Variants in METTL15 observed in about 807,000 individuals in gnomAD.
The protein encoded by METTL15 is 12S rRNA N(4)-cytidine methyltransferase METTL15.
Under a neutral mutation model 38.3 loss-of-function variants are expected in METTL15, and 34 were observed. The observed-to-expected ratio is 0.89, with a 90% CI of 0.68 to 1.18. The LOEUF (loss-of-function observed/expected upper bound fraction) is 1.18. Among genes scored for constraint, METTL15 ranks in the 50% most tolerant of loss-of-function variants. The pLI is 0.00. For missense variants in METTL15, 438 were observed against 498.4 expected (o/e 0.88, Z 1.15); for synonymous variants, 162 against 170.9 (o/e 0.95, Z 0.41).
At chr11:28,354,893 G>A (rs1034669426) in intron 4 of METTL15, among the ~76,000 whole-genome samples, 1 of 152,204 alleles carries the variant, frequency 6.6e-6, no homozygotes, top group Non-Finnish European at 1.5e-5. Context: ...TAGGAGACAT[G>A]GAACTAGAAA....
intron 5 of METTL15, among the ~76,000 whole-genome samples, chr11:28,415,615 C>G (rs772365371): frequency 2.0e-5 from 3 of 152,182 alleles, no homozygotes; most frequent in African/African-American, 7.2e-5. Context: ...ACCTTCAGTA[C>G]TCTTTCTACT....
intron 3 of METTL15, among the ~76,000 whole-genome samples, chr11:28,174,998 C>A (rs1380888095): frequency 6.6e-6 from 1 of 151,430 alleles, no homozygotes; most frequent in Non-Finnish European, 1.5e-5. Context: ...GCACAACGTG[C>A]AGGTTAGTTA....
At chr11:28,483,210 A>G (rs980301699) in intron 6 of METTL15, among the ~76,000 whole-genome samples, 4 of 152,182 alleles carry the variant, frequency 2.6e-5, no homozygotes, top group Non-Finnish European at 5.9e-5. Flanking sequence ...TGAGCTCACT[A>G]CATGTTGCCT....
At chr11:28,370,977 A>G (rs1850237757) in intron 5 of METTL15, among the ~76,000 whole-genome samples, 3 of 151,998 alleles carry the variant, frequency 2.0e-5, no homozygotes, top group African/African-American at 7.2e-5. Context: ...AATAATTTGC[A>G]GTTTTTTTCC....
chr11:28,222,296 C>T (rs894160440), intron 4 of METTL15, among the ~76,000 whole-genome samples: 1 of 152,184 alleles, frequency 6.6e-6, no homozygotes, highest in Non-Finnish European at 1.5e-5. Context: ...GCCGTTTGAT[C>T]TCAGACTGCT....
intron 6 of METTL15, among the ~76,000 whole-genome samples, chr11:28,452,437 A>G (rs1316886327): frequency 6.6e-6 from 1 of 152,220 alleles, no homozygotes; most frequent in Non-Finnish European, 1.5e-5. Flanking sequence ...GGGCAGCTGT[A>G]TCTTAATTTA....
chr11:28,325,029 T>G (rs1170993526), intron 6 of METTL15, among the ~76,000 whole-genome samples: 1 of 152,126 alleles, frequency 6.6e-6, no homozygotes, highest in Non-Finnish European at 1.5e-5. Flanking sequence ...GCAGCTTAAC[T>G]CTTTCTCTGG....
chr11:28,175,441 A>G (rs1415392291), intron 3 of METTL15, among the ~76,000 whole-genome samples: 1 of 152,180 alleles, frequency 6.6e-6, no homozygotes. Flanking sequence ...AGCATGATTT[A>G]TAATCCTTAG....
At chr11:28,175,009 C>T (rs1851009611) in intron 3 of METTL15, among the ~76,000 whole-genome samples, 1 of 151,576 alleles carries the variant, frequency 6.6e-6, no homozygotes, top group Non-Finnish European at 1.5e-5. Context: ...AGGTTAGTTA[C>T]ATATGTATAC....
intron 4 of METTL15, among the ~76,000 whole-genome samples, chr11:28,251,523 G>A (rs1445440925): frequency 2.0e-5 from 3 of 151,874 alleles, no homozygotes; most frequent in East Asian, 3.9e-4. Context: ...CATGCCATCC[G>A]GAATGAATAA....
In METTL15 at chr11:28,124,431, T is replaced by G. The variant is rs1314777641; in HGVS notation, c.270+10827T>G. Among the ~76,000 whole-genome samples, 3 of 152,090 alleles carry G rather than the reference T, an allele frequency of 2.0e-5. No homozygotes were observed. The East Asian group carries it at 5.8e-4, about 29-fold the overall frequency. On this transcript the variant is annotated intron_variant, in intron 3 of 6. Coordinates refer to ENST00000407364, the MANE Select transcript of METTL15 (RefSeq NM_001113528.2). ...GTGCAGACACATCTAATTGGCTAGCTCACTGAATTTTTCAGAGCTTGATCT... is the reference window on the plus strand; with the variant it reads ...GTGCAGACACATCTAATTGGCTAGCGCACTGAATTTTTCAGAGCTTGATCT...
At chr11:28,380,838 G>GT (rs34912131) in intron 5 of METTL15, among the ~76,000 whole-genome samples, 9 of 148,696 alleles carry the variant, frequency 6.1e-5, no homozygotes, top group African/African-American at 2.0e-4. Flanking sequence ...TTAGATGAGA[G>GT]TTTTTTTTTT....
intron 6 of METTL15, among the ~76,000 whole-genome samples, chr11:28,453,083 C>T (rs895794880): frequency 2.6e-5 from 4 of 152,216 alleles, no homozygotes; most frequent in Non-Finnish European, 5.9e-5. Flanking sequence ...CACACCTCCT[C>T]AGAGTAAACA....
chr11:28,391,379 C>G (rs1273269602), intron 5 of METTL15, among the ~76,000 whole-genome samples: 1 of 151,908 alleles, frequency 6.6e-6, no homozygotes, highest in Non-Finnish European at 1.5e-5. Flanking sequence ...TCATAGATAG[C>G]TCTTATTATT....
intron 3 of METTL15, among the ~76,000 whole-genome samples, chr11:28,136,669 A>G (rs928127509): frequency 4.6e-5 from 7 of 152,146 alleles, no homozygotes; most frequent in Admixed American, 2.6e-4. Flanking sequence ...AAGATTAAAC[A>G]TCACTTTGGC....
intron 3 of METTL15, among the ~76,000 whole-genome samples, chr11:28,174,733 T>C (rs1310914086): frequency 6.7e-6 from 1 of 149,340 alleles, no homozygotes; most frequent in Non-Finnish European, 1.5e-5. Flanking sequence ...GAGAATGGTA[T>C]GAAGCCGGGG....
intron 3 of METTL15, among the ~76,000 whole-genome samples, chr11:28,142,491 A>G (rs1849733686): frequency 6.6e-6 from 1 of 152,200 alleles, no homozygotes; most frequent in Non-Finnish European, 1.5e-5. Flanking sequence ...TTGGAAAGTC[A>G]GATAACTTTT....
At chr11:28,254,696 A>G (rs1229326007) in intron 4 of METTL15, among the ~76,000 whole-genome samples, 1 of 152,094 alleles carries the variant, frequency 6.6e-6, no homozygotes, top group African/African-American at 2.4e-5. Flanking sequence ...TATTCCGCAA[A>G]TGGATATACA....
intron 3 of METTL15, among the ~76,000 whole-genome samples, chr11:28,123,467 A>G (rs1852337783): frequency 6.6e-6 from 1 of 152,098 alleles, no homozygotes; most frequent in African/African-American, 2.4e-5. Context: ...ACAATAAACC[A>G]AGTTGCAAGG....
Sources: gnomAD v4.1 joint callset for allele counts (sites outside exome capture counted in the v4.1 genomes callset) on GRCh38, gnomAD v4.1.1 for gene constraint, MANE v1.5 for transcripts, NCBI Gene and HGNC (gene_info 2026-07-23, HGNC 2026-07-21) for gene names.